The following SLC16A5 variants were observed in gnomAD, a reference collection of about 807,000 sequenced individuals.
The protein encoded by SLC16A5 is monocarboxylate transporter 6.
SLC16A5 carries 29 observed loss-of-function variants against 33.2 expected under a neutral mutation model. The ratio of observed to expected loss-of-function variants is 0.87; its 90% CI spans 0.65 to 1.19. SLC16A5 has a LOEUF of 1.19. Ranked by LOEUF, SLC16A5 falls within the 50% of genes most tolerant of loss-of-function variation. The probability of loss-of-function intolerance (pLI) is 0.00; values close to 1 mark genes in which losing one functional copy is unlikely to be tolerated. For missense variants in SLC16A5, 606 were observed against 678.2 expected (o/e 0.89, Z 1.18); for synonymous variants, 248 against 284.1 (o/e 0.87, Z 1.28).
At chr17:75,104,554 C>A in intron 6 of SLC16A5, 1 of 801,510 alleles carries the variant, frequency 1.2e-6, no homozygotes, top group Non-Finnish European at 1.6e-6. Context: ...CAAGTTCAAG[C>A]GATTCTCCTG....
chr17:75,093,269 C>A, intron 2 of SLC16A5: 1 of 739,052 alleles, frequency 1.4e-6, no homozygotes, highest in Non-Finnish European at 2.2e-6. Context: ...CTGTTGACTT[C>A]TAAGTGATGT....
chr17:75,099,091 T>A (rs1033055408), intron 4 of SLC16A5, among the ~76,000 whole-genome samples: 7 of 151,672 alleles, frequency 4.6e-5, no homozygotes, highest in African/African-American at 1.7e-4. Flanking sequence ...AGACACTGAG[T>A]GGGTGGGGAG....
downstream of SLC16A5, among the ~76,000 whole-genome samples, chr17:75,108,921 TC>T (rs1568012036): frequency 6.6e-6 from 1 of 152,190 alleles, no homozygotes; most frequent in Non-Finnish European, 1.5e-5. Flanking sequence ...ACGAGAACCC[TC>T]TTGTCATGGG....
rs1389040631 is a variant in SLC16A5, at chr17:75,100,806, A to C, written c.1143A>C (p.Pro381=). 1 of 1,591,354 alleles carries C rather than the reference A, an allele frequency of 6.3e-7. No homozygotes were observed. The highest frequency in any genetic ancestry group is 1.1e-5 in the South Asian group (1 of 89,600). ...VLDGLAFLIS[P]PLAGLLLDAT... ...ACGGCCTTGCTTTCCTCATCTCCCC[A>C]CCACTGGCCGGTGAGGAGCTGGGAG... The change falls in exon 5 of 7, where the codon CCA becomes CCC. Residue 381 remains proline (P), a synonymous_variant. Transcript: ENST00000329783.
intron 2 of SLC16A5, among the ~76,000 whole-genome samples, chr17:75,090,907 G>T (rs937954290): frequency 2.0e-5 from 3 of 152,204 alleles, no homozygotes; most frequent in African/African-American, 4.8e-5. Flanking sequence ...GGTCACAGGA[G>T]CCTGGGCAAA....
chr17:75,105,156 G>A (rs764229856), intron 6 of SLC16A5: 13 of 985,300 alleles, frequency 1.3e-5, no homozygotes, highest in East Asian at 1.1e-4. Context: ...TGAGTGGCGC[G>A]CCCATCCTGG....
chr17:75,101,123 C>T (rs561615074), intron 5 of SLC16A5, among the ~76,000 whole-genome samples: 2 of 151,666 alleles, frequency 1.3e-5, no homozygotes, highest in Admixed American at 6.6e-5. Flanking sequence ...GTGATGGGCG[C>T]CTGTAGTCCC....
At chr17:75,102,436 G>C (rs747425257) in intron 5 of SLC16A5, among the ~76,000 whole-genome samples, 16 of 152,170 alleles carry the variant, frequency 1.1e-4, no homozygotes, top group Non-Finnish European at 2.1e-4. Flanking sequence ...CCATCCCCTG[G>C]GGGATTACCT....
intron 2 of SLC16A5, chr17:75,093,286 T>C: frequency 1.2e-6 from 1 of 815,788 alleles, no homozygotes; most frequent in South Asian, 1.7e-5. Context: ...ATGTAACAAT[T>C]AGAGACAATT....
chr17:75,093,966 C>T, intron 3 of SLC16A5, 131 bp downstream of exon 3: 4 of 1,313,008 alleles, frequency 3.0e-6, no homozygotes, highest in Middle Eastern at 2.6e-4. Context: ...TAAGGTTTCA[C>T]CAGATTTCAC....
At chr17:75,092,048 T>TGTGC (rs1555644942) in intron 2 of SLC16A5, among the ~76,000 whole-genome samples, 2 of 151,878 alleles carry the variant, frequency 1.3e-5, no homozygotes, top group Non-Finnish European at 2.9e-5. Context: ...TGTGTGTGTG[T>TGTGC]GTGCACGCAT....
chr17:75,096,094 G>A (rs1044124818), intron 3 of SLC16A5, among the ~76,000 whole-genome samples: 5 of 151,576 alleles, frequency 3.3e-5, no homozygotes, highest in African/African-American at 1.2e-4. Flanking sequence ...CATGAGCCAC[G>A]GCACCTGACC....
chr17:75,103,929 A>G, intron 5 of SLC16A5, 41 bp from the exon 6 acceptor site: 1 of 1,570,542 alleles, frequency 6.4e-7, no homozygotes, highest in Middle Eastern at 1.7e-4. Flanking sequence ...AGTTGGGGGG[A>G]GGCCTGGTAG....
chr17:75,109,180 C>T (rs1189443142), downstream of SLC16A5, among the ~76,000 whole-genome samples: 1 of 152,204 alleles, frequency 6.6e-6, no homozygotes, highest in East Asian at 1.9e-4. The surrounding 1 kb of genome is among the most constrained non-coding windows in gnomAD (Gnocchi z 5.0). Context: ...AGGGCTTCAG[C>T]ATCCAGAAAG....
At chr17:75,105,663 A>C (rs528962396) in intron 6 of SLC16A5, 3 of 985,272 alleles carry the variant, frequency 3.0e-6, no homozygotes, top group Non-Finnish European at 3.6e-6. Flanking sequence ...GATAAAACAG[A>C]ATGTGTTTGA....
At chr17:75,110,013 C>A, downstream of SLC16A5, 1 of 388,928 alleles carries the variant, frequency 2.6e-6, no homozygotes, top group South Asian at 3.5e-5. Flanking sequence ...GTGCCCCCTC[C>A]GCGAGCCCCA....
At chr17:75,093,556 T>C in intron 2 of SLC16A5, 33 bp from the exon 3 acceptor site, 1 of 1,549,250 alleles carries the variant, frequency 6.5e-7, no homozygotes, top group Non-Finnish European at 8.7e-7. Flanking sequence ...GACAGCCTGC[T>C]GACCACCAGG....
chr17:75,100,928 C>T, intron 5 of SLC16A5, 112 bp downstream of exon 5: 1 of 1,085,174 alleles, frequency 9.2e-7, no homozygotes, highest in Non-Finnish European at 1.3e-6. Flanking sequence ...TGGTTTCCAA[C>T]CTGGCACTCA....
downstream of SLC16A5, among the ~76,000 whole-genome samples, chr17:75,108,028 T>C (rs1388130154): frequency 6.6e-6 from 1 of 151,848 alleles, no homozygotes; most frequent in Non-Finnish European, 1.5e-5. Flanking sequence ...CACTTGAATC[T>C]GAGGCGGAGG....
Sources: allele counts gnomAD v4.1 joint callset (sites outside exome capture counted in the v4.1 genomes callset), GRCh38; gene constraint gnomAD v4.1.1; non-coding constraint Gnocchi (gnomAD v3.1); transcripts MANE v1.5; gene names NCBI Gene and HGNC (gene_info 2026-07-23, HGNC 2026-07-21).